The following GPHN variants were observed in gnomAD, a reference collection of about 807,000 sequenced individuals.
GPHN encodes gephyrin.
GPHN carries 17 observed loss-of-function variants against 95.5 expected under a neutral mutation model. That is an observed-to-expected ratio of 0.18 (90% CI 0.12 to 0.27). The LOEUF (loss-of-function observed/expected upper bound fraction) is 0.27, where lower values mean the gene tolerates loss of function less well. Ranked by LOEUF, GPHN falls within the 10% of genes least tolerant of loss-of-function variation. The pLI is 1.00. For missense variants in GPHN, 660 were observed against 978.1 expected (o/e 0.67, Z 4.34); for synonymous variants, 320 against 322.5 (o/e 0.99, Z 0.08).
the GPHN span, chr14:67,200,303 G>A: frequency 0.022 from 14,622 of 670,112 alleles, 209 homozygotes; most frequent in Non-Finnish European, 0.028. Context: ...CTCGAGGCCC[G>A]CTTTGGAGCC....
intron 1 of GPHN, among the ~76,000 whole-genome samples, chr14:66,523,541 G>C (rs2058562663): frequency 6.6e-6 from 1 of 152,070 alleles, no homozygotes; most frequent in African/African-American, 2.4e-5. Flanking sequence ...GGTTCACACA[G>C]ATACTCAGAA....
chr14:66,545,760 A>G (rs1350212925), intron 1 of GPHN, among the ~76,000 whole-genome samples: 2 of 137,316 alleles, frequency 1.5e-5, no homozygotes, highest in Non-Finnish European at 3.1e-5. Flanking sequence ...TCCCTCCCGG[A>G]CGGGGCAGCT....
At chr14:67,186,082 G>A (rs2140228305), downstream of GPHN, among the ~76,000 whole-genome samples, 1 of 152,156 alleles carries the variant, frequency 6.6e-6, no homozygotes, top group East Asian at 1.9e-4. Flanking sequence ...CATTTCGTAT[G>A]GCCAGCTACC....
chr14:67,565,373 A>AG, the GPHN span, among the ~76,000 whole-genome samples: 1 of 152,140 alleles, frequency 6.6e-6, no homozygotes, highest in Non-Finnish European at 1.5e-5. Context: ...CCTTCTGAGC[A>AG]GCTGGGACTA....
the GPHN span, among the ~76,000 whole-genome samples, chr14:67,536,659 A>C: frequency 2.2e-4 from 34 of 152,024 alleles, 1 homozygote; most frequent in African/African-American, 8.0e-4. Flanking sequence ...TTCAGGCTGT[A>C]GACTTGAGCC....
intron 1 of GPHN, among the ~76,000 whole-genome samples, chr14:66,563,217 A>C (rs894971817): frequency 6.6e-6 from 1 of 152,156 alleles, no homozygotes; most frequent in Non-Finnish European, 1.5e-5. Flanking sequence ...GAATGCTAGA[A>C]ATATGATTTT....
chr14:66,914,687 T>A (rs995898105), intron 5 of GPHN, among the ~76,000 whole-genome samples: 1 of 152,086 alleles, frequency 6.6e-6, no homozygotes, highest in African/African-American at 2.4e-5. Flanking sequence ...CTAGATTTAT[T>A]CAATAAATTG....
chr14:67,284,533 C>T, the GPHN span, among the ~76,000 whole-genome samples: 1 of 106,816 alleles, frequency 9.4e-6, no homozygotes, highest in African/African-American at 3.6e-5. Flanking sequence ...CCCAGGAGAT[C>T]GAGGCTGCAG....
At chr14:66,615,473 CTT>C (rs59401816) in intron 1 of GPHN, among the ~76,000 whole-genome samples, 9,557 of 135,894 alleles carry the variant, frequency 0.07, 355 homozygotes, top group Middle Eastern at 0.1. Flanking sequence ...TGGTGTTGAG[CTT>C]TTTTTTTTTT....
rs181925254 is a variant in GPHN at position 66,900,404 on chromosome 14, G to A, written c.390-15599G>A. ...TCCATGAATTTGATATGTTATATTTGCATTTTTATTCATCTTAATGTATCT... is the reference window on the plus strand; with the variant it reads ...TCCATGAATTTGATATGTTATATTTACATTTTTATTCATCTTAATGTATCT... On this transcript the variant is annotated intron_variant, in intron 5 of 22. Coordinates refer to ENST00000478722, the MANE Select transcript of GPHN (RefSeq NM_020806.5). 1.3e-3 allele frequency among the ~76,000 whole-genome samples: 196 copies of A among 150,136 alleles called. 2 individuals are homozygous for A. The highest frequency in any genetic ancestry group is 1.2e-3 in the Non-Finnish European group (78 of 67,256).
intron 11 of GPHN, among the ~76,000 whole-genome samples, chr14:67,080,496 G>A (rs72715344): frequency 0.039 from 5,982 of 152,146 alleles, 150 homozygotes; most frequent in Non-Finnish European, 0.054. Flanking sequence ...CACATTGAAT[G>A]TCATGAACTA....
chr14:67,242,927 C>G, the GPHN span, among the ~76,000 whole-genome samples: 1 of 152,070 alleles, frequency 6.6e-6, no homozygotes, highest in South Asian at 2.1e-4. Context: ...TGAGGGTGAC[C>G]CAAGTCAGTA....
At chr14:66,723,313 A>T (rs2070930135) in intron 2 of GPHN, among the ~76,000 whole-genome samples, 1 of 151,460 alleles carries the variant, frequency 6.6e-6, no homozygotes, top group Non-Finnish European at 1.5e-5. Context: ...TTTATAAATT[A>T]TATTTATAAA....
chr14:66,586,061 A>G (rs1381388462), intron 1 of GPHN, among the ~76,000 whole-genome samples: 6 of 152,136 alleles, frequency 3.9e-5, no homozygotes, highest in Non-Finnish European at 8.8e-5. Context: ...TGCTTTATGA[A>G]TCTGGGTGCT....
rs199943221 is a variant in GPHN, at chr14:66,891,759, TA to T, written c.389+11727del. On this transcript the variant is annotated intron_variant, in intron 5 of 22. Coordinates refer to ENST00000478722, the MANE Select transcript of GPHN (RefSeq NM_020806.5). The stretch of plus-strand genomic sequence containing the variant: ...GCAAGGTATTAATATTCTATATATA[TA>T]TATTTTTTTTAATTCCTACAAGTCA... Among the ~76,000 whole-genome samples, 69 of 150,816 alleles carry T rather than the reference TA, an allele frequency of 4.6e-4. 1 individual carries two copies. In the East Asian group the frequency reaches 0.012, roughly 26 times the overall value.
the GPHN span, chr14:67,651,493 A>G: frequency 1.9e-6 from 3 of 1,613,168 alleles, no homozygotes; most frequent in Non-Finnish European, 2.5e-6. Context: ...TACAAAGAGA[A>G]GCAAAGTGGG....
chr14:66,823,745 G>C (rs1052636770), intron 3 of GPHN, among the ~76,000 whole-genome samples: 2 of 151,976 alleles, frequency 1.3e-5, no homozygotes, highest in African/African-American at 4.8e-5. Flanking sequence ...TGTGGGGACC[G>C]TATTGTACAT....
chr14:67,054,095 T>G (rs1365563098), intron 10 of GPHN, among the ~76,000 whole-genome samples: 1 of 152,092 alleles, frequency 6.6e-6, no homozygotes, highest in African/African-American at 2.4e-5. Context: ...CAACATAGAA[T>G]TGGAAATTCT....
At chr14:67,673,214 C>T in the GPHN span, among the ~76,000 whole-genome samples, 1 of 152,016 alleles carries the variant, frequency 6.6e-6, no homozygotes, top group Non-Finnish European at 1.5e-5. Flanking sequence ...GGGGTGGTGG[C>T]GCAACTGTAA....
Sources: gnomAD v4.1 joint callset for allele counts (sites outside exome capture counted in the v4.1 genomes callset) on GRCh38, gnomAD v4.1.1 for gene constraint, MANE v1.5 for transcripts, NCBI Gene and HGNC (gene_info 2026-07-23, HGNC 2026-07-21) for gene names.